TRERF1: variants seen among roughly 807,000 people sequenced by gnomAD.
TRERF1 encodes transcriptional regulating factor 1.
A neutral mutation model predicts 122.9 loss-of-function variants in TRERF1; 27 were observed. That is an observed-to-expected ratio of 0.22 (90% CI 0.16 to 0.30). The LOEUF (loss-of-function observed/expected upper bound fraction) is 0.30, where lower values mean the gene tolerates loss of function less well. Ranked by LOEUF, TRERF1 falls within the 10% of genes least tolerant of loss-of-function variation. The probability of loss-of-function intolerance (pLI) is 1.00; values close to 1 mark genes in which losing one functional copy is unlikely to be tolerated. For synonymous variants in TRERF1, 636 were observed against 641.7 expected, an observed-to-expected ratio of 0.99 and a Z score of 0.13; for missense variants, 1,248 against 1,560.3, an observed-to-expected ratio of 0.80 and a Z score of 3.37.
At chr6:42,411,323 A>G (rs1781061404) in intron 2 of TRERF1, among the ~76,000 whole-genome samples, 1 of 152,182 alleles carries the variant, frequency 6.6e-6, no homozygotes, top group Non-Finnish European at 1.5e-5. Flanking sequence ...GGGTTAAGTA[A>G]TTTACCCAGA....
intron 2 of TRERF1, among the ~76,000 whole-genome samples, chr6:42,400,475 AC>A (rs1192619999): frequency 6.6e-6 from 1 of 152,192 alleles, no homozygotes. Flanking sequence ...ATTGCTTGAC[AC>A]TGGCTTGCTT....
chr6:42,373,419 G>A (rs1044094229), intron 2 of TRERF1, among the ~76,000 whole-genome samples: 1 of 152,192 alleles, frequency 6.6e-6, no homozygotes, highest in Non-Finnish European at 1.5e-5. Flanking sequence ...TGCAATCCCA[G>A]CACTTTGGGA....
intron 3 of TRERF1, among the ~76,000 whole-genome samples, chr6:42,313,217 C>T (rs749703245): frequency 2.0e-5 from 3 of 152,148 alleles, no homozygotes; most frequent in Non-Finnish European, 4.4e-5. Flanking sequence ...TCCCAAGGAA[C>T]GTCTTCAAGA....
At chr6:42,406,556 C>G (rs1029799911) in intron 2 of TRERF1, among the ~76,000 whole-genome samples, 5 of 152,190 alleles carry the variant, frequency 3.3e-5, no homozygotes, top group African/African-American at 1.2e-4. Flanking sequence ...AGTTAACAGA[C>G]CTGGGTATGT....
intron 3 of TRERF1, among the ~76,000 whole-genome samples, chr6:42,350,443 C>G (rs962488183): frequency 6.6e-6 from 1 of 152,222 alleles, no homozygotes; most frequent in Admixed American, 6.5e-5. Context: ...CCCGCTATTA[C>G]TCACTTGGTT....
At chr6:42,372,885 A>T (rs1442305994) in intron 2 of TRERF1, among the ~76,000 whole-genome samples, 1 of 152,190 alleles carries the variant, frequency 6.6e-6, no homozygotes. Context: ...ACCCTGAGTC[A>T]GGCAAAGGGT....
At chr6:42,248,594 C>T (rs897956474) in intron 13 of TRERF1, among the ~76,000 whole-genome samples, 14 of 152,134 alleles carry the variant, frequency 9.2e-5, no homozygotes, top group African/African-American at 3.4e-4. Context: ...TGAAGTGATC[C>T]GCTTGCCTCA....
intron 3 of TRERF1, among the ~76,000 whole-genome samples, chr6:42,355,724 T>C (rs969469516): frequency 1.3e-5 from 2 of 152,240 alleles, no homozygotes; most frequent in Non-Finnish European, 2.9e-5. Flanking sequence ...GACATTACCA[T>C]GTTAGTATAC....
intron 13 of TRERF1, among the ~76,000 whole-genome samples, chr6:42,253,274 C>T (rs1034884018): frequency 3.9e-5 from 6 of 152,140 alleles, no homozygotes; most frequent in Non-Finnish European, 1.5e-5. Flanking sequence ...CTAGAGCTAA[C>T]CAGCCCAGAG....
At chr6:42,235,662 A>G (rs535305091) in intron 16 of TRERF1, among the ~76,000 whole-genome samples, 1 of 152,362 alleles carries the variant, frequency 6.6e-6, no homozygotes, top group Middle Eastern at 3.4e-3. Context: ...GAGTACAAAG[A>G]TAAACTTTAG....
chr6:42,447,647 T>C (rs973286388), intron 2 of TRERF1, among the ~76,000 whole-genome samples: 1 of 152,202 alleles, frequency 6.6e-6, no homozygotes, highest in Non-Finnish European at 1.5e-5. Flanking sequence ...ATGAGCACCA[T>C]TTATACCGCC....
intron 2 of TRERF1, among the ~76,000 whole-genome samples, chr6:42,364,885 C>T (rs146080148): frequency 4.6e-5 from 7 of 152,214 alleles, no homozygotes; most frequent in Admixed American, 3.3e-4. Context: ...AGGACTGAGG[C>T]GTGAGGTCCC....
intron 4 of TRERF1, among the ~76,000 whole-genome samples, chr6:42,296,573 T>C (rs1279632229): frequency 6.6e-6 from 1 of 152,154 alleles, no homozygotes; most frequent in African/African-American, 2.4e-5. Flanking sequence ...ATTCAGCTGT[T>C]AAGTGGCAGA....
chr6:42,259,855 C>T lies in TRERF1; in HGVS notation c.1885-132G>A, dbSNP rs1777514565. ...TGCTTGACCCCCCCACCCCCAACGCCCCCACATTCTGACCACATCCATTTT... is the reference window on the plus strand; with the variant it reads ...TGCTTGACCCCCCCACCCCCAACGCTCCCACATTCTGACCACATCCATTTT... On this transcript the variant is annotated intron_variant, in intron 8 of 17. Coordinates refer to ENST00000372922, the Ensembl canonical transcript of TRERF1. This position sits in a 1 kb window ranked among gnomAD's most constrained non-coding sequence, Gnocchi z 4.9. 6 of 1,270,672 alleles carry T rather than the reference C, an allele frequency of 4.7e-6. No individual in the cohort carries two copies. Among genetic ancestry groups the T allele is most frequent in the East Asian group, 2.4e-5 (1 of 41,862 alleles). 78.7% of individuals were successfully genotyped at this position (1,270,672 alleles called of 1,614,324 possible). A position where few individuals can be genotyped will look rare whatever the true frequency, so the allele number is the denominator to read the frequency against.
intron 2 of TRERF1, among the ~76,000 whole-genome samples, chr6:42,381,962 T>C (rs1379754858): frequency 3.3e-5 from 5 of 151,454 alleles, no homozygotes; most frequent in Non-Finnish European, 7.4e-5. Flanking sequence ...ATCACAATTA[T>C]AATAGCTAAC....
Position 42,263,262 on chromosome 6 carries a change from C to A in TRERF1, c.1884+58G>T. 6.5e-7 allele frequency: 1 copy of A among 1,536,664 alleles called. No homozygotes were observed. Among genetic ancestry groups the A allele is most frequent in the Non-Finnish European group, 8.8e-7 (1 of 1,135,478 alleles). On this transcript the variant is annotated intron_variant, in intron 8 of 17. Coordinates refer to ENST00000372922, the Ensembl canonical transcript of TRERF1. The surrounding 1 kb of genome is among the most constrained non-coding windows in gnomAD (Gnocchi z 5.6). ...GGTGGGGCAGAGCAGCAACTCACAG[C>A]AGGCGTGCGGGGGGCAGCCCCTTGG...
chr6:42,282,902 T>C (rs891664795), intron 4 of TRERF1, among the ~76,000 whole-genome samples: 10 of 152,210 alleles, frequency 6.6e-5, no homozygotes, highest in African/African-American at 2.4e-4. Context: ...TATAACCTTG[T>C]TTTATATGTG....
intron 2 of TRERF1, among the ~76,000 whole-genome samples, chr6:42,446,719 G>A (rs1286774196): frequency 2.0e-5 from 3 of 152,026 alleles, no homozygotes; most frequent in East Asian, 3.9e-4. Flanking sequence ...CCCTCGTTCC[G>A]CAGCCGGGTG....
chr6:42,256,603 GTGCTGAT>G, intron 12 of TRERF1, 118 bp downstream of exon 12: 1 of 736,906 alleles, frequency 1.4e-6, no homozygotes, highest in East Asian at 2.6e-5. Flanking sequence ...ATAGGGAGGC[GTGCTGAT>G]TGGTCATCAT....
Sources: allele counts gnomAD v4.1 joint callset (sites outside exome capture counted in the v4.1 genomes callset), GRCh38; gene constraint gnomAD v4.1.1; non-coding constraint Gnocchi (gnomAD v3.1); transcripts MANE v1.5; gene names NCBI Gene and HGNC (gene_info 2026-07-23, HGNC 2026-07-21).